The following DPP4 variants were observed in gnomAD, a reference collection of about 807,000 sequenced individuals.
DPP4 encodes ADCP-2.
In DPP4, 93 loss-of-function variants were observed where a neutral mutation model predicts 122.4. That is an observed-to-expected ratio of 0.76 (90% confidence interval 0.64 to 0.90). The LOEUF (loss-of-function observed/expected upper bound fraction) is 0.90. Ranked by LOEUF, DPP4 falls within the 40% of genes least tolerant of loss-of-function variation. The probability of loss-of-function intolerance (pLI) is 0.00; values close to 1 mark genes in which losing one functional copy is unlikely to be tolerated. For missense variants in DPP4, 914 were observed against 907.3 expected (o/e 1.01, Z -0.09); for synonymous variants, 321 against 302.9 (o/e 1.06, Z -0.62).
intron 17 of DPP4, 85 bp downstream of exon 17, chr2:162,017,023 G>C: frequency 6.7e-7 from 1 of 1,497,680 alleles, no homozygotes; most frequent in South Asian, 1.2e-5. Flanking sequence ...CAAAGCCAAA[G>C]AAAATCACAC....
rs200675520 is a variant in DPP4, at chr2:162,016,768, T to C, written c.1567A>G (p.Lys523Glu). The change falls in exon 18 of 26, where the codon AAA (lysine) becomes GAA (glutamate). Residue 523 changes from lysine (K) to glutamate (E), a missense_variant and splice_region_variant. Transcript: ENST00000360534. ...ACTATTCCAAAGGAATTTAACTTAC[T>C]TGTTTCATTCAAAATAATGAAGTCC... ...KLDFIILNET[K>E]FWYQMILPPH... The C allele has an allele frequency of 1.9e-6, 3 of 1,608,568 alleles. No homozygotes were observed. Among genetic ancestry groups the C allele is most frequent in the African/African-American group, 1.3e-5 (1 of 74,874 alleles).
chr2:162,008,601 C>T lies in DPP4; in HGVS notation c.1948G>A (p.Gly650Arg), dbSNP rs780928012. The T allele has an allele frequency of 6.2e-7, 1 of 1,613,556 alleles. No homozygotes were observed. Among genetic ancestry groups the T allele is most frequent in the South Asian group, 1.1e-5 (1 of 91,052 alleles). ...LGSGSGVFKC[G>R]IAVAPVSRWE... ...CGGGATACAGGCGCCACGGCTATTC[C>T]ACACTTGAACACGCCACTTCCCGAT... is the stretch of plus-strand genomic sequence containing the variant. The change falls in exon 22 of 26, where the codon GGA (glycine) becomes AGA (arginine). Residue 650 changes from glycine (G) to arginine (R), a missense_variant. Coordinates refer to ENST00000360534, the MANE Select transcript of DPP4 (RefSeq NM_001935.4).
At chr2:162,043,248 G>A (rs1684051114) in intron 5 of DPP4, among the ~76,000 whole-genome samples, 1 of 152,168 alleles carries the variant, frequency 6.6e-6, no homozygotes, top group Non-Finnish European at 1.5e-5. Context: ...CATGCCGAGT[G>A]CAGGAGAAGC....
intron 5 of DPP4, among the ~76,000 whole-genome samples, chr2:162,041,514 C>T (rs1430105587): frequency 6.6e-6 from 1 of 152,162 alleles, no homozygotes; most frequent in Non-Finnish European, 1.5e-5. Flanking sequence ...TTTATCACTT[C>T]TCTCCCTTCT....
intron 25 of DPP4, among the ~76,000 whole-genome samples, chr2:161,994,025 A>C (rs1341273134): frequency 6.6e-6 from 1 of 152,244 alleles, no homozygotes; most frequent in African/African-American, 2.4e-5. Context: ...ATGTAAAAGG[A>C]ATTAATGATC....
intron 22 of DPP4, among the ~76,000 whole-genome samples, chr2:162,007,675 G>A (rs1701317099): frequency 6.6e-6 from 1 of 151,962 alleles, no homozygotes; most frequent in Non-Finnish European, 1.5e-5. Flanking sequence ...CCATCCAACA[G>A]AACAATTAAT....
At chr2:162,018,426 C>A (rs1353691676) in intron 16 of DPP4, among the ~76,000 whole-genome samples, 1 of 152,148 alleles carries the variant, frequency 6.6e-6, no homozygotes, top group African/African-American at 2.4e-5. Context: ...TTGAAAGGGA[C>A]GAGTGCATAA....
intron 4 of DPP4, among the ~76,000 whole-genome samples, chr2:162,046,240 C>T (rs1684169970): frequency 6.6e-6 from 1 of 152,040 alleles, no homozygotes; most frequent in South Asian, 2.1e-4. Context: ...CACTCATTAC[C>T]ACAAGATTAA....
chr2:162,038,809 A>G (rs1683880783), intron 7 of DPP4, 140 bp downstream of exon 7: 4 of 758,314 alleles, frequency 5.3e-6, no homozygotes, highest in Admixed American at 2.6e-5. Context: ...GCAGACAAAC[A>G]TTAGATCCTG....
chr2:162,017,319 C>A, intron 16 of DPP4, 164 bp from the exon 17 acceptor site: 1 of 614,898 alleles, frequency 1.6e-6, no homozygotes. Context: ...TTCTCCTCCC[C>A]CTCTCTTTAA....
In DPP4 at chr2:162,047,629, C is replaced by G. The variant is rs1478772323; in HGVS notation, c.95-128G>C. ...AATTCAGAAATATACTCACAAAATG[C>G]AAGACACATTTTAAAAGACTTCAGA... On this transcript the variant is annotated intron_variant, in intron 2 of 25. Transcript: ENST00000360534. 1.7e-5 allele frequency: 9 copies of G among 544,164 alleles called. No homozygotes were observed. In the East Asian group the frequency reaches 2.6e-4, roughly 16 times the overall value. 33.7% of individuals were successfully genotyped at this position (544,164 alleles called of 1,614,324 possible).
chr2:162,067,733 T>C (rs1216446797), intron 2 of DPP4, among the ~76,000 whole-genome samples: 1 of 152,202 alleles, frequency 6.6e-6, no homozygotes, highest in Non-Finnish European at 1.5e-5. Flanking sequence ...ACACACCCTC[T>C]TTTGGAGGTC....
chr2:162,018,653 C>G (rs563169467), intron 16 of DPP4, 76 bp downstream of exon 16: 3 of 1,533,878 alleles, frequency 2.0e-6, no homozygotes, highest in Non-Finnish European at 2.6e-6. Flanking sequence ...TCCTCAGATT[C>G]AAAAGGAATA....
intron 13 of DPP4, 23 bp from the exon 14 acceptor site, chr2:162,020,319 A>G (rs57726275): frequency 6.1e-6 from 2 of 328,448 alleles, no homozygotes; most frequent in Admixed American, 1.1e-4. Flanking sequence ...TTTTTTTTTC[A>G]AAAAAAAAAA....
intron 23 of DPP4, among the ~76,000 whole-genome samples, chr2:161,997,617 A>G (rs1208689908): frequency 6.6e-6 from 1 of 152,172 alleles, no homozygotes; most frequent in Non-Finnish European, 1.5e-5. Context: ...ATTGAGATAT[A>G]TTTTGCCCAC....
intron 1 of DPP4, 99 bp downstream of exon 1, chr2:162,073,877 A>G: frequency 6.6e-7 from 1 of 1,514,446 alleles, no homozygotes; most frequent in African/African-American, 1.4e-5. Context: ...GCCTAAGGGG[A>G]GTCCCTGGTC....
At chr2:162,051,584 A>G (rs762669495) in intron 2 of DPP4, among the ~76,000 whole-genome samples, 3 of 152,244 alleles carry the variant, frequency 2.0e-5, no homozygotes, top group African/African-American at 7.2e-5. Flanking sequence ...CCATATGGTA[A>G]TCAGCTAACA....
rs1181090246 is a variant in DPP4 at position 161,998,974 on chromosome 2, AGT to A, written c.2053-3604_2053-3603del. Among the ~76,000 whole-genome samples, 12 of 152,358 alleles carry A rather than the reference AGT, an allele frequency of 7.9e-5. No homozygotes were observed. In the East Asian group the frequency reaches 2.1e-3, roughly 27 times the overall value. Reference sequence around the variant, plus strand: ...AAGCTTCCCCTGCAACTGCAAGATAAGTGTGCCATTTCAAATGCGCACTTCCC... The same window carrying A: ...AAGCTTCCCCTGCAACTGCAAGATAAGTGCCATTTCAAATGCGCACTTCCC... On this transcript the variant is annotated intron_variant, in intron 23 of 25. Coordinates refer to ENST00000360534, the MANE Select transcript of DPP4 (RefSeq NM_001935.4).
chr2:162,063,831 A>G (rs550213657), intron 2 of DPP4, among the ~76,000 whole-genome samples: 2 of 152,296 alleles, frequency 1.3e-5, no homozygotes, highest in South Asian at 4.1e-4. Context: ...GAGGGTGGAA[A>G]AAGACAGTTT....
Sources: gnomAD v4.1 joint callset for allele counts (sites outside exome capture counted in the v4.1 genomes callset) on GRCh38, gnomAD v4.1.1 for gene constraint, MANE v1.5 for transcripts, NCBI Gene and HGNC (gene_info 2026-07-23, HGNC 2026-07-21) for gene names.